Variants in MALRD1 observed in about 807,000 individuals in gnomAD.
The protein encoded by MALRD1 is MAM and LDL receptor class A domain containing 1, also known as MAM and LDL-receptor class A domain-containing protein 1.
MALRD1 carries 247 observed loss-of-function variants against 242.1 expected under a neutral mutation model. The ratio of observed to expected loss-of-function variants is 1.02; its 90% CI spans 0.92 to 1.13. The LOEUF (loss-of-function observed/expected upper bound fraction) is 1.13. Ranked by LOEUF, MALRD1 falls within the 50% of genes most tolerant of loss-of-function variation. The pLI, the probability that MALRD1 is intolerant of heterozygous loss-of-function variation, is 0.00. For synonymous variants in MALRD1, 995 were observed against 866.6 expected, an observed-to-expected ratio of 1.15 and a Z score of -2.60; for missense variants, 2,989 against 2,533.1, an observed-to-expected ratio of 1.18 and a Z score of -3.86.
chr10:19,431,821 G>T (rs1003710363), intron 28 of MALRD1, among the ~76,000 whole-genome samples: 2 of 152,024 alleles, frequency 1.3e-5, no homozygotes, highest in Non-Finnish European at 2.9e-5. Flanking sequence ...TGCATTGAAT[G>T]GTTATCAACC....
chr10:19,395,612 T>C (rs1846542575), intron 28 of MALRD1, among the ~76,000 whole-genome samples: 1 of 152,172 alleles, frequency 6.6e-6, no homozygotes, highest in Admixed American at 6.5e-5. Flanking sequence ...TTTAGCTAAG[T>C]GATTCTGGGG....
chr10:19,262,552 A>AG (rs1315289911), intron 19 of MALRD1, among the ~76,000 whole-genome samples: 1 of 151,196 alleles, frequency 6.6e-6, no homozygotes, highest in Non-Finnish European at 1.5e-5. Flanking sequence ...GCTACTTAGG[A>AG]GGCTGAGGCA....
chr10:19,730,180 T>C (rs1455033082), intron 38 of MALRD1, among the ~76,000 whole-genome samples: 1 of 152,230 alleles, frequency 6.6e-6, no homozygotes, highest in African/African-American at 2.4e-5. Flanking sequence ...AACACTACCC[T>C]AAAGAACTTT....
rs1192820833 is a variant in MALRD1 at position 19,710,338 on chromosome 10, A to G, written c.6314+17784A>G. On this transcript the variant is annotated intron_variant, in intron 38 of 39. Transcript: ENST00000454679. ...GTGCATGATGAACCCTTTTTAAAAA[A>G]GTAATAATCATATTTATTGATGAAA... The G allele has an allele frequency of 3.3e-5, 5 of 152,294 alleles. No individual in the cohort carries two copies. In the South Asian group the frequency reaches 6.2e-4, roughly 19 times the overall value. 9.4% of individuals were successfully genotyped at this position (152,294 alleles called of 1,614,324 possible). A position where few individuals can be genotyped will look rare whatever the true frequency, so the allele number is the denominator to read the frequency against.
chr10:19,664,670 G>C (rs900856046), intron 36 of MALRD1, among the ~76,000 whole-genome samples: 1 of 151,502 alleles, frequency 6.6e-6, no homozygotes, highest in Non-Finnish European at 1.5e-5. Context: ...AATTTGTATT[G>C]TTTCTATATT....
chr10:19,190,091 A>G (rs1168446383), intron 14 of MALRD1, among the ~76,000 whole-genome samples: 1 of 152,150 alleles, frequency 6.6e-6, no homozygotes, highest in Non-Finnish European at 1.5e-5. Context: ...AAACCCTGTT[A>G]GAACTAAAAC....
rs946259093 is a variant in MALRD1 at position 19,280,109 on chromosome 10, C to T, written c.3142C>T (p.His1048Tyr). ...GTCAGTTCCTGTAACATTACCTCCA[C>T]ACAACTGCACAGACAATGAATTTAT... ...ETSVPVTLPPHNCTDNEFICR... is the reference protein window; with the variant it reads ...ETSVPVTLPPYNCTDNEFICR... The change falls in exon 20 of 40, where the codon CAC (histidine) becomes TAC (tyrosine). Residue 1048 changes from histidine to tyrosine, a missense_variant. By Grantham distance (83) the His-to-Tyr change is moderately conservative. Coordinates refer to ENST00000454679, the MANE Select transcript of MALRD1 (RefSeq NM_001142308.3). The T allele has an allele frequency of 3.2e-6, 5 of 1,541,394 alleles. No homozygotes were observed. Among genetic ancestry groups the T allele is most frequent in the Non-Finnish European group, 4.4e-6 (5 of 1,143,636 alleles).
At chr10:19,300,282 C>T (rs1841886438) in intron 21 of MALRD1, among the ~76,000 whole-genome samples, 1 of 151,898 alleles carries the variant, frequency 6.6e-6, no homozygotes, top group Non-Finnish European at 1.5e-5. Context: ...GTTAAAATGG[C>T]TATACTGCCC....
chr10:19,578,828 T>G (rs1216853784), intron 33 of MALRD1, among the ~76,000 whole-genome samples: 1 of 152,116 alleles, frequency 6.6e-6, no homozygotes. Flanking sequence ...GTTATGCTGG[T>G]GACATGTGCG....
chr10:19,065,557 G>C (rs1316812907), intron 1 of MALRD1, among the ~76,000 whole-genome samples: 2 of 152,114 alleles, frequency 1.3e-5, no homozygotes, highest in African/African-American at 2.4e-5. Flanking sequence ...TGTGACCAGA[G>C]AACAAGTCCT....
chr10:19,329,980 G>A (rs1463095815), intron 23 of MALRD1, among the ~76,000 whole-genome samples: 1 of 152,106 alleles, frequency 6.6e-6, no homozygotes, highest in Non-Finnish European at 1.5e-5. Context: ...TATTCACAGA[G>A]CATTGCAGCA....
chr10:19,251,473 A>G (rs1839290059), intron 18 of MALRD1, among the ~76,000 whole-genome samples: 1 of 151,870 alleles, frequency 6.6e-6, no homozygotes, highest in Non-Finnish European at 1.5e-5. Context: ...ACATGCAGGT[A>G]AACATCCCTG....
intron 5 of MALRD1, among the ~76,000 whole-genome samples, chr10:19,105,914 T>C (rs1202273692): frequency 1.3e-5 from 2 of 151,966 alleles, no homozygotes; most frequent in African/African-American, 4.8e-5. Flanking sequence ...ATTCTGAGAA[T>C]TGACCCCTTA....
chr10:19,112,068 G>T (rs191371222), intron 5 of MALRD1, among the ~76,000 whole-genome samples: 1 of 152,096 alleles, frequency 6.6e-6, no homozygotes, highest in East Asian at 1.9e-4. Context: ...TCACATCAGG[G>T]AGTGATTGAT....
chr10:19,141,939 G>A (rs10826996), intron 10 of MALRD1, among the ~76,000 whole-genome samples: 51,317 of 151,536 alleles, frequency 0.34, 9,121 homozygotes, highest in Admixed American at 0.39. Context: ...TTGGGAGGCC[G>A]AGGCGGGTGG....
chr10:19,695,235 T>A (rs958350906), intron 38 of MALRD1, among the ~76,000 whole-genome samples: 3 of 151,978 alleles, frequency 2.0e-5, no homozygotes, highest in Admixed American at 1.3e-4. Context: ...ACTATATAAA[T>A]ATATATGAAA....
intron 31 of MALRD1, among the ~76,000 whole-genome samples, chr10:19,528,792 C>G (rs1413530466): frequency 2.0e-5 from 3 of 152,070 alleles, no homozygotes; most frequent in African/African-American, 7.2e-5. Context: ...GAAAGGTGAA[C>G]CAACTGAAAA....
chr10:19,376,938 C>T (rs961320021), intron 26 of MALRD1, among the ~76,000 whole-genome samples: 7 of 152,020 alleles, frequency 4.6e-5, no homozygotes, highest in African/African-American at 1.7e-4. Flanking sequence ...TTGGGAAAAA[C>T]TATACAGGAA....
At chr10:19,248,236 T>C (rs1394295701) in intron 18 of MALRD1, among the ~76,000 whole-genome samples, 1 of 152,028 alleles carries the variant, frequency 6.6e-6, no homozygotes, top group Non-Finnish European at 1.5e-5. Flanking sequence ...TAATTTAATC[T>C]AACAGTTTCA....
Sources: gnomAD v4.1 joint callset for allele counts (sites outside exome capture counted in the v4.1 genomes callset) on GRCh38, gnomAD v4.1.1 for gene constraint, MANE v1.5 for transcripts, NCBI Gene and HGNC (gene_info 2026-07-23, HGNC 2026-07-21) for gene names.